NBAS: variants seen among roughly 807,000 people sequenced by gnomAD.
NBAS encodes NBAS subunit of NRZ tethering complex.
In NBAS, 219 loss-of-function variants were observed where a neutral mutation model predicts 302.5. That is an observed-to-expected ratio of 0.72 (90% CI 0.65 to 0.81). The LOEUF (loss-of-function observed/expected upper bound fraction) is 0.81, where lower values mean the gene tolerates loss of function less well. Ranked by LOEUF, NBAS falls within the 30% of genes least tolerant of loss-of-function variation. The probability of loss-of-function intolerance (pLI) is 0.00; values close to 1 mark genes in which losing one functional copy is unlikely to be tolerated. For synonymous variants in NBAS, 1,118 were observed against 1,021.6 expected, an observed-to-expected ratio of 1.09 and a Z score of -1.80; for missense variants, 2,932 against 2,841.6, an observed-to-expected ratio of 1.03 and a Z score of -0.72.
intron 11 of NBAS, among the ~76,000 whole-genome samples, chr2:15,496,677 A>C (rs1013463814): frequency 6.6e-6 from 1 of 152,026 alleles, no homozygotes; most frequent in South Asian, 2.1e-4. Flanking sequence ...GGGAGGAAGG[A>C]AGAAGGTGCA....
At chr2:15,556,090 T>C (rs1468141924) in intron 3 of NBAS, among the ~76,000 whole-genome samples, 1 of 152,120 alleles carries the variant, frequency 6.6e-6, no homozygotes, top group Non-Finnish European at 1.5e-5. Context: ...TATATACATG[T>C]ATGCACATAC....
the NBAS span, among the ~76,000 whole-genome samples, chr2:14,990,990 A>C: frequency 6.6e-6 from 1 of 152,126 alleles, no homozygotes; most frequent in Non-Finnish European, 1.5e-5. Flanking sequence ...CCTGGGCTTG[A>C]AGTGGGAGTG....
rs371278426 is a variant in NBAS, at chr2:15,268,352, C to T, written c.5724+7132G>A. 2.2e-4 allele frequency among the ~76,000 whole-genome samples: 34 copies of T among 152,292 alleles called. No homozygotes were observed. The East Asian group carries it at 3.1e-3, about 14-fold the overall frequency. ...AAGTATATCCGTCCAACAATGGTTACGGAGGCTCTGAGAGTGACTAGCCTG... is the reference window on the plus strand; with the variant it reads ...AAGTATATCCGTCCAACAATGGTTATGGAGGCTCTGAGAGTGACTAGCCTG... On this transcript the variant is annotated intron_variant, in intron 44 of 51. Transcript: ENST00000281513.
At chr2:15,034,025 A>G in the NBAS span, among the ~76,000 whole-genome samples, 2 of 23,878 alleles carry the variant, frequency 8.4e-5, no homozygotes, top group African/African-American at 3.2e-4. Context: ...GAAGAAGAAG[A>G]AGAGGAGGAG....
chr2:14,845,912 GA>G, the NBAS span, among the ~76,000 whole-genome samples: 303 of 151,484 alleles, frequency 2.0e-3, 1 homozygote, highest in African/African-American at 6.0e-3. Context: ...CTACAAGATT[GA>G]AAAAAAATAG....
At chr2:15,534,108 G>A (rs192845464) in intron 9 of NBAS, among the ~76,000 whole-genome samples, 2 of 152,158 alleles carry the variant, frequency 1.3e-5, no homozygotes, top group African/African-American at 4.8e-5. Context: ...GTGAATGATG[G>A]GACACAGTTG....
At chr2:15,049,413 T>TGGA in the NBAS span, among the ~76,000 whole-genome samples, 1 of 152,196 alleles carries the variant, frequency 6.6e-6, no homozygotes, top group Non-Finnish European at 1.5e-5. Flanking sequence ...TCCTGCAGCC[T>TGGA]GGAGGTCCCT....
intron 21 of NBAS, among the ~76,000 whole-genome samples, chr2:15,440,796 C>A (rs1251055053): frequency 6.6e-6 from 1 of 151,934 alleles, no homozygotes; most frequent in Non-Finnish European, 1.5e-5. Flanking sequence ...ATAACCAATA[C>A]AGAGAAGTGC....
chr2:15,357,662 G>A (rs746998402), intron 32 of NBAS, among the ~76,000 whole-genome samples: 2 of 152,018 alleles, frequency 1.3e-5, no homozygotes, highest in Non-Finnish European at 2.9e-5. Context: ...TTCATTAACA[G>A]CACCCATGGA....
At chr2:14,830,519 A>T in the NBAS span, among the ~76,000 whole-genome samples, 1 of 152,180 alleles carries the variant, frequency 6.6e-6, no homozygotes, top group Non-Finnish European at 1.5e-5. Flanking sequence ...AACCGAATAA[A>T]TATCCATCAA....
At chr2:15,359,065 CAG>C (rs1167829191) in intron 32 of NBAS, among the ~76,000 whole-genome samples, 1 of 152,172 alleles carries the variant, frequency 6.6e-6, no homozygotes, top group Non-Finnish European at 1.5e-5. Context: ...TCAGTTGGAA[CAG>C]AGACTGTCAG....
At chr2:14,971,244 C>T in the NBAS span, among the ~76,000 whole-genome samples, 2 of 152,106 alleles carry the variant, frequency 1.3e-5, no homozygotes, top group Non-Finnish European at 2.9e-5. Flanking sequence ...CAGCCGGACA[C>T]AGTGGCTCAT....
At chr2:15,310,597 C>G (rs1003371855) in intron 38 of NBAS, among the ~76,000 whole-genome samples, 1 of 152,066 alleles carries the variant, frequency 6.6e-6, no homozygotes, top group African/African-American at 2.4e-5. Context: ...TCAAAGGGCC[C>G]AAATCAAATT....
the NBAS span, among the ~76,000 whole-genome samples, chr2:14,857,589 A>G: frequency 6.6e-6 from 1 of 152,164 alleles, no homozygotes; most frequent in Admixed American, 6.5e-5. Context: ...CAGTCTCTTC[A>G]ATAAATGCTG....
At chr2:15,220,279 G>A (rs1303183424) in intron 47 of NBAS, among the ~76,000 whole-genome samples, 3 of 152,060 alleles carry the variant, frequency 2.0e-5, no homozygotes, top group African/African-American at 7.2e-5. Flanking sequence ...CTCACCTCCC[G>A]GACGGGGCGG....
the NBAS span, among the ~76,000 whole-genome samples, chr2:14,943,704 G>A: frequency 6.6e-6 from 1 of 152,190 alleles, no homozygotes; most frequent in Non-Finnish European, 1.5e-5. Context: ...AAATGTTGGA[G>A]TCAGAATTGA....
chr2:15,029,885 G>A, the NBAS span, among the ~76,000 whole-genome samples: 1 of 152,244 alleles, frequency 6.6e-6, no homozygotes, highest in Non-Finnish European at 1.5e-5. Flanking sequence ...GGGAGGGGAA[G>A]AGGGAGATTC....
In NBAS at chr2:15,330,753, C is replaced by G; in HGVS notation, c.4192G>C (p.Val1398Leu). 1 of 1,613,884 alleles carries G rather than the reference C, an allele frequency of 6.2e-7. No homozygotes were observed. The highest frequency in any genetic ancestry group is 1.1e-5 in the South Asian group (1 of 91,070). The stretch of plus-strand genomic sequence containing the variant: ...AGGTCAGCTGAATTGCTACCTGGAA[C>G]ACCTACTTCATCCTGTATTAAAGAA... ...SKAVQEDEVG[V>L]PGSNSADLLR... Residue 1398 changes from valine to leucine, a missense_variant, in exon 36 of 52, where the codon GTT becomes CTT. Coordinates refer to ENST00000281513, the MANE Select transcript of NBAS (RefSeq NM_015909.4).
At chr2:15,534,691 A>G (rs748862382) in intron 8 of NBAS, 50 bp from the exon 9 acceptor site, 4 of 1,216,642 alleles carry the variant, frequency 3.3e-6, no homozygotes, top group South Asian at 2.4e-5. Flanking sequence ...ACCACAATGA[A>G]TATCACTAAA....
Sources: gnomAD v4.1 joint callset for allele counts (sites outside exome capture counted in the v4.1 genomes callset) on GRCh38, gnomAD v4.1.1 for gene constraint, MANE v1.5 for transcripts, NCBI Gene and HGNC (gene_info 2026-07-23, HGNC 2026-07-21) for gene names.